The following KLF12 variants were observed in gnomAD, a reference collection of about 807,000 sequenced individuals.
KLF12 encodes Krueppel-like factor 12.
A neutral mutation model predicts 37.8 loss-of-function variants in KLF12; 9 were observed. The ratio of observed to expected loss-of-function variants is 0.24; its 90% CI spans 0.14 to 0.42. The LOEUF is 0.42. KLF12 is among the 10% of genes least tolerant of loss of function. The pLI is 1.00. For missense variants in KLF12, 411 were observed against 516.0 expected (o/e 0.80, Z 1.97); for synonymous variants, 208 against 202.1 (o/e 1.03, Z -0.25).
intron 1 of KLF12, among the ~76,000 whole-genome samples, chr13:74,031,447 T>A (rs1893110148): frequency 6.6e-6 from 1 of 152,140 alleles, no homozygotes; most frequent in African/African-American, 2.4e-5. Context: ...TCTAGGTTTA[T>A]GAGAAATTAT....
intron 3 of KLF12, among the ~76,000 whole-genome samples, chr13:73,879,054 G>GA (rs1449614532): frequency 6.6e-6 from 1 of 152,110 alleles, no homozygotes; most frequent in Non-Finnish European, 1.5e-5. Context: ...ACAGACTGGA[G>GA]AAAAACAAGA....
At chr13:73,934,534 G>A (rs889228226) in intron 3 of KLF12, among the ~76,000 whole-genome samples, 4 of 151,888 alleles carry the variant, frequency 2.6e-5, no homozygotes, top group African/African-American at 7.3e-5. Flanking sequence ...CCTAGTATCC[G>A]TTTCTTTCTG....
At chr13:73,768,082 G>A (rs1880034792) in intron 5 of KLF12, among the ~76,000 whole-genome samples, 1 of 152,188 alleles carries the variant, frequency 6.6e-6, no homozygotes, top group Non-Finnish European at 1.5e-5. Flanking sequence ...AAGTGGTTAA[G>A]AGTGAAAATT....
At chr13:74,161,653 G>T in the KLF12 span, among the ~76,000 whole-genome samples, 2,383 of 152,280 alleles carry the variant, frequency 0.016, 21 homozygotes, top group Non-Finnish European at 0.025. Context: ...CGAGTTTGTG[G>T]TGATTTGTTA....
At chr13:73,798,168 G>T (rs1448374757) in intron 5 of KLF12, among the ~76,000 whole-genome samples, 1 of 152,116 alleles carries the variant, frequency 6.6e-6, no homozygotes, top group Non-Finnish European at 1.5e-5. Context: ...GAGCAATGGG[G>T]AAAAGACACC....
intron 1 of KLF12, among the ~76,000 whole-genome samples, chr13:74,076,449 T>C (rs1434438657): frequency 6.6e-6 from 1 of 152,082 alleles, no homozygotes; most frequent in African/African-American, 2.4e-5. Context: ...GACCCTGCAT[T>C]CTTTGGAGGA....
At chr13:73,762,693 A>G (rs1879646763) in intron 6 of KLF12, among the ~76,000 whole-genome samples, 1 of 152,166 alleles carries the variant, frequency 6.6e-6, no homozygotes, top group Non-Finnish European at 1.5e-5. Context: ...CCCAGTTGAT[A>G]GATGGGGGAC....
In KLF12 at chr13:73,832,784, G is replaced by A. The variant is rs76471818; in HGVS notation, c.670+13043C>T. 5.4e-3 allele frequency among the ~76,000 whole-genome samples: 822 copies of A among 152,208 alleles called. 4 individuals carry two copies. Among genetic ancestry groups the A allele is most frequent in the African/African-American group, 0.019 (794 of 41,528 alleles). ...AAAGTAGCATTTCCCTTCTACTTAA[G>A]GTTTGTTAAAGGAAATTTATGCTTT... On this transcript the variant is annotated intron_variant, in intron 4 of 7. Transcript: ENST00000377669.
the KLF12 span, among the ~76,000 whole-genome samples, chr13:74,263,675 G>A: frequency 1.3e-5 from 2 of 152,158 alleles, no homozygotes; most frequent in African/African-American, 4.8e-5. Context: ...AGGAGGTGGA[G>A]GTTGCAGTGA....
At chr13:73,882,623 A>G (rs1887032840) in intron 3 of KLF12, among the ~76,000 whole-genome samples, 1 of 152,228 alleles carries the variant, frequency 6.6e-6, no homozygotes, top group South Asian at 2.1e-4. Context: ...TTACCAACAA[A>G]AGAACACATA....
At chr13:74,291,689 T>C in the KLF12 span, among the ~76,000 whole-genome samples, 2 of 152,128 alleles carry the variant, frequency 1.3e-5, no homozygotes, top group Admixed American at 1.3e-4. Context: ...TGAGAAAGGA[T>C]GACTATATAT....
intron 1 of KLF12, among the ~76,000 whole-genome samples, chr13:74,122,215 T>A (rs574161297): frequency 6.6e-6 from 1 of 152,214 alleles, no homozygotes; most frequent in South Asian, 2.1e-4. Flanking sequence ...GGCTTTAATA[T>A]AAAATGAATT....
At chr13:73,994,899 C>A (rs1460442636) in intron 2 of KLF12, 91 bp downstream of exon 2, 2 of 843,156 alleles carry the variant, frequency 2.4e-6, no homozygotes, top group East Asian at 2.4e-5. Flanking sequence ...CGTATTCACA[C>A]AAGAAGGTAC....
Position 73,795,926 on chromosome 13 carries a change from T to A in KLF12, c.806+17226A>T, listed in dbSNP as rs182358602. Among the ~76,000 whole-genome samples, 32 of 152,286 alleles carry A rather than the reference T, an allele frequency of 2.1e-4. No homozygotes were observed. The East Asian group carries it at 5.2e-3, about 25-fold the overall frequency. On this transcript the variant is annotated intron_variant, in intron 5 of 7. Coordinates refer to ENST00000377669, the MANE Select transcript of KLF12 (RefSeq NM_007249.5). ...GAAGATAAAGATGATGTACCTAGAA[T>A]AAATAGTAAACAGAGAGGAGGAGAT...
At chr13:73,953,546 G>A (rs760992483) in intron 2 of KLF12, among the ~76,000 whole-genome samples, 1 of 152,154 alleles carries the variant, frequency 6.6e-6, no homozygotes, top group Non-Finnish European at 1.5e-5. Context: ...AACACTGAAG[G>A]GAGTATGTAA....
At chr13:73,905,742 A>AT (rs35828099) in intron 3 of KLF12, among the ~76,000 whole-genome samples, 72,294 of 149,752 alleles carry the variant, frequency 0.48, 17,988 homozygotes, top group Non-Finnish European at 0.54. Flanking sequence ...TGTGCAATAC[A>AT]TTTTTTTTTC....
intron 5 of KLF12, among the ~76,000 whole-genome samples, chr13:73,789,688 T>C (rs1881550910): frequency 6.6e-6 from 1 of 150,546 alleles, no homozygotes; most frequent in African/African-American, 2.5e-5. Context: ...TTTTTTTTTT[T>C]TTCTTTGAGA....
intron 1 of KLF12, among the ~76,000 whole-genome samples, chr13:74,129,722 C>T (rs1383588717): frequency 6.6e-6 from 1 of 151,586 alleles, no homozygotes; most frequent in Non-Finnish European, 1.5e-5. Flanking sequence ...AAGACCATAC[C>T]AGAGCAGAAT....
chr13:74,174,130 A>C, the KLF12 span, among the ~76,000 whole-genome samples: 1 of 152,126 alleles, frequency 6.6e-6, no homozygotes, highest in South Asian at 2.1e-4. Context: ...TCAATTTAAA[A>C]CAATAACCTC....
Sources: allele counts gnomAD v4.1 joint callset (sites outside exome capture counted in the v4.1 genomes callset), GRCh38; gene constraint gnomAD v4.1.1; transcripts MANE v1.5; gene names NCBI Gene and HGNC (gene_info 2026-07-23, HGNC 2026-07-21).